The following SEMA6D variants were observed in gnomAD, a reference collection of about 807,000 sequenced individuals.
SEMA6D encodes the protein semaphorin 6D, also known as semaphorin-6D.
A neutral mutation model predicts 106.6 loss-of-function variants in SEMA6D; 35 were observed. That is an observed-to-expected ratio of 0.33 (90% CI 0.25 to 0.44). The LOEUF (loss-of-function observed/expected upper bound fraction) is 0.44. Among genes scored for constraint, SEMA6D ranks in the 20% least tolerant of loss-of-function variants. The probability of loss-of-function intolerance (pLI) is 1.00; values close to 1 mark genes in which losing one functional copy is unlikely to be tolerated. For missense variants in SEMA6D, 1,185 were observed against 1,345.9 expected, an observed-to-expected ratio of 0.88 and a Z score of 1.87; for synonymous variants, 499 against 487.7, an observed-to-expected ratio of 1.02 and a Z score of -0.31.
intron 1 of SEMA6D, among the ~76,000 whole-genome samples, chr15:47,411,429 A>T (rs890268410): frequency 6.6e-6 from 1 of 152,054 alleles, no homozygotes; most frequent in African/African-American, 2.4e-5. Flanking sequence ...CTACCCCTAT[A>T]GTTCTGCTTC....
chr15:47,409,391 G>C (rs2040706098), intron 1 of SEMA6D, among the ~76,000 whole-genome samples: 1 of 152,192 alleles, frequency 6.6e-6, no homozygotes, highest in Non-Finnish European at 1.5e-5. Flanking sequence ...CTGTGTATTA[G>C]AATGAAGAGT....
chr15:47,254,861 A>G (rs2033711073), intron 1 of SEMA6D, among the ~76,000 whole-genome samples: 1 of 124,060 alleles, frequency 8.1e-6, no homozygotes, highest in South Asian at 2.5e-4. Context: ...CATCAGGGAT[A>G]TTGACCTGTG....
At chr15:47,699,856 A>T (rs1202403071) in intron 4 of SEMA6D, among the ~76,000 whole-genome samples, 1 of 152,250 alleles carries the variant, frequency 6.6e-6, no homozygotes, top group Admixed American at 6.5e-5. Flanking sequence ...TGCAGATGAC[A>T]TGATCATTTA....
At chr15:47,404,644 AG>A (rs1387757456) in intron 1 of SEMA6D, among the ~76,000 whole-genome samples, 17 of 152,326 alleles carry the variant, frequency 1.1e-4, no homozygotes, top group South Asian at 8.3e-4. Flanking sequence ...ATGCCCAGCT[AG>A]TACTCTGATC....
chr15:47,299,804 G>A (rs1262879425), intron 1 of SEMA6D, among the ~76,000 whole-genome samples: 1 of 152,234 alleles, frequency 6.6e-6, no homozygotes, highest in Non-Finnish European at 1.5e-5. Flanking sequence ...GGTACTTGAT[G>A]AAGTACTTGT....
intron 1 of SEMA6D, among the ~76,000 whole-genome samples, chr15:47,286,859 GA>G (rs1038187426): frequency 6.6e-6 from 1 of 152,088 alleles, no homozygotes; most frequent in Non-Finnish European, 1.5e-5. Flanking sequence ...TAAAGTGGCT[GA>G]TACCCTATCT....
intron 1 of SEMA6D, among the ~76,000 whole-genome samples, chr15:47,213,659 A>G (rs1436410459): frequency 6.6e-6 from 1 of 151,832 alleles, no homozygotes; most frequent in Non-Finnish European, 1.5e-5. Flanking sequence ...AGCCTTACTT[A>G]TTTTATTTTA....
At chr15:47,689,948 A>G (rs2078550104) in intron 4 of SEMA6D, among the ~76,000 whole-genome samples, 1 of 152,180 alleles carries the variant, frequency 6.6e-6, no homozygotes, top group African/African-American at 2.4e-5. Context: ...GAGATTTGCT[A>G]CGGGTGGGGA....
intron 1 of SEMA6D, 136 bp downstream of exon 1, chr15:47,717,828 A>G (rs2079177192): frequency 9.6e-6 from 1 of 103,660 alleles, no homozygotes; most frequent in Non-Finnish European, 1.8e-5. Flanking sequence ...GAGATCCCGA[A>G]TCGCTGTGTG....
At chr15:47,312,189 C>T (rs1446378795) in intron 1 of SEMA6D, among the ~76,000 whole-genome samples, 1 of 147,114 alleles carries the variant, frequency 6.8e-6, no homozygotes, top group African/African-American at 2.5e-5. Flanking sequence ...ACCTAAAACA[C>T]TTCATTTTGC....
Position 47,772,727 on chromosome 15 carries a change from A to G in SEMA6D, c.*942A>G. The G allele has an allele frequency of 6.6e-6, 1 of 152,010 alleles. No individual in the cohort carries two copies. 9.4% of individuals were successfully genotyped at this position (152,010 alleles called of 1,614,324 possible). ...ATTCAGTAGTAAAATTTTCCTGTCC[A>G]CTGTGAATCAAAGCCTGAGTCACTC... On this transcript the variant is annotated 3_prime_UTR_variant, in exon 19 of 19. Transcript: ENST00000536845.
In SEMA6D at chr15:47,772,390, GTT is replaced by G. The variant is rs1491445191; in HGVS notation, c.*606_*607del. On this transcript the variant is annotated 3_prime_UTR_variant, in exon 19 of 19. Transcript: ENST00000536845. The stretch of plus-strand genomic sequence containing the variant: ...TGTGTGTGTGTGTGTGTGTGTGTGT[GTT>G]CTGTACCCACTAGGATTTGTTTAGG... 6.6e-6 allele frequency: 1 copy of G among 152,288 alleles called. No individual in the cohort carries two copies. Among genetic ancestry groups the G allele is most frequent in the Non-Finnish European group, 1.5e-5 (1 of 68,722 alleles). The allele number at this position is 152,288 out of a possible 1,614,324, so 9.4% of individuals were successfully genotyped here.
Position 47,601,843 on chromosome 15 carries a change from A to T in SEMA6D, c.-55+947A>T, listed in dbSNP as rs533150702. ...TCATAAAGACTAGTATTTTAAAGTT[A>T]TCTCCTGTTACTTACTATGTTAATT... On this transcript the variant is annotated intron_variant, in intron 4 of 19. Transcript: ENST00000558014. Among the ~76,000 whole-genome samples, 123 of 152,304 alleles carry T rather than the reference A, an allele frequency of 8.1e-4. 1 individual carries two copies. The highest frequency in any genetic ancestry group is 2.6e-3 in the African/African-American group (109 of 41,566).
In SEMA6D at chr15:47,770,833, T is replaced by A; in HGVS notation, c.2270T>A (p.Met757Lys). ...ELPPNGDTKSMVMDHRGQPPE... is the reference protein window; with the variant it reads ...ELPPNGDTKSKVMDHRGQPPE... The stretch of plus-strand genomic sequence containing the variant: ...CCACCCAATGGAGATACTAAATCCA[T>A]GGTAATGGACCATCGAGGGCAACCT... The change falls in exon 19 of 19, where the codon ATG (methionine) becomes AAG (lysine). Residue 757 changes from methionine to lysine, a missense_variant. Around this residue, in one of 3 missense-constraint regions of SEMA6D, gnomAD observed 750 missense variants for 783.5 expected, o/e 0.96. Coordinates refer to ENST00000536845, the MANE Select transcript of SEMA6D (RefSeq NM_001358351.3). 6.2e-7 allele frequency: 1 copy of A among 1,613,974 alleles called. No individual in the cohort carries two copies. Among genetic ancestry groups the A allele is most frequent in the Non-Finnish European group, 8.5e-7 (1 of 1,179,988 alleles).
At chr15:47,670,198 A>G (rs73392863) in intron 4 of SEMA6D, among the ~76,000 whole-genome samples, 9,189 of 152,228 alleles carry the variant, frequency 0.06, 914 homozygotes, top group African/African-American at 0.21. Context: ...TTAACTTCCC[A>G]TAAATACTGT....
At chr15:47,637,673 G>C (rs774968789) in intron 4 of SEMA6D, among the ~76,000 whole-genome samples, 9 of 152,082 alleles carry the variant, frequency 5.9e-5, no homozygotes, top group Non-Finnish European at 1.3e-4. Flanking sequence ...TTTCAGGAAG[G>C]CTTTTACACT....
intron 1 of SEMA6D, among the ~76,000 whole-genome samples, chr15:47,318,515 A>G (rs1164588320): frequency 4.1e-5 from 6 of 146,876 alleles, no homozygotes; most frequent in Non-Finnish European, 7.5e-5. Flanking sequence ...AGAATATGCG[A>G]TGTTTGGTTT....
chr15:47,420,096 G>A (rs1045264799), intron 2 of SEMA6D, among the ~76,000 whole-genome samples: 1 of 152,110 alleles, frequency 6.6e-6, no homozygotes, highest in African/African-American at 2.4e-5. Flanking sequence ...TCAGAAGGGT[G>A]ATGTGCTCAG....
chr15:47,654,500 G>C (rs1458714791), intron 4 of SEMA6D, among the ~76,000 whole-genome samples: 1 of 152,216 alleles, frequency 6.6e-6, no homozygotes, highest in Non-Finnish European at 1.5e-5. Flanking sequence ...GTAAGTGGAA[G>C]TGGATCATCA....
Sources: allele counts gnomAD v4.1 joint callset (sites outside exome capture counted in the v4.1 genomes callset), GRCh38; gene constraint gnomAD v4.1.1; regional missense constraint gnomAD v4.1.1; transcripts MANE v1.5; gene names NCBI Gene and HGNC (gene_info 2026-07-23, HGNC 2026-07-21).